The following ERBIN variants were observed in gnomAD, a reference collection of about 807,000 sequenced individuals.
ERBIN encodes the protein erbb2 interacting protein.
A neutral mutation model predicts 158.4 loss-of-function variants in ERBIN; 60 were observed. The observed-to-expected ratio is 0.38, with a 90% CI of 0.31 to 0.47. The LOEUF is 0.47. Ranked by LOEUF, ERBIN falls within the 20% of genes least tolerant of loss-of-function variation. The pLI is 0.99. For missense variants in ERBIN, 1,610 were observed against 1,648.0 expected (o/e 0.98, Z 0.40); for synonymous variants, 594 against 557.2 (o/e 1.07, Z -0.93).
At chr5:65,957,320 C>G (rs1183229928) in intron 1 of ERBIN, among the ~76,000 whole-genome samples, 1 of 151,970 alleles carries the variant, frequency 6.6e-6, no homozygotes, top group Non-Finnish European at 1.5e-5. Context: ...AGCAGACAAA[C>G]AAGTGAACAA....
chr5:66,042,973 G>A (rs1435662722), intron 15 of ERBIN, 104 bp from the exon 16 acceptor site: 10 of 846,864 alleles, frequency 1.2e-5, no homozygotes, highest in Admixed American at 2.4e-5. Context: ...AACTATTTTA[G>A]ACTTATTGTA....
intron 1 of ERBIN, among the ~76,000 whole-genome samples, chr5:65,958,359 C>G (rs1469902556): frequency 1.3e-5 from 2 of 152,268 alleles, no homozygotes; most frequent in Non-Finnish European, 2.9e-5. Context: ...AGGACTCCAT[C>G]TGCAATCCCG....
intron 1 of ERBIN, among the ~76,000 whole-genome samples, chr5:65,935,182 TC>T (rs1743929530): frequency 6.6e-6 from 1 of 152,228 alleles, no homozygotes; most frequent in African/African-American, 2.4e-5. Flanking sequence ...GATTTATACT[TC>T]TTTGACTTTA....
chr5:65,954,446 C>G (rs151256223), intron 1 of ERBIN, among the ~76,000 whole-genome samples: 2 of 152,174 alleles, frequency 1.3e-5, no homozygotes, highest in East Asian at 1.9e-4. Context: ...GCCCTTTGTT[C>G]CATGTAAGAC....
chr5:65,964,597 G>A (rs1316381488), intron 1 of ERBIN, among the ~76,000 whole-genome samples: 59 of 152,170 alleles, frequency 3.9e-4, no homozygotes, highest in Non-Finnish European at 1.5e-4. Flanking sequence ...CATGGGCTGT[G>A]TATAATGACA....
At chr5:66,064,703 GCC>G (rs1458174411) in intron 21 of ERBIN, among the ~76,000 whole-genome samples, 5 of 152,154 alleles carry the variant, frequency 3.3e-5, no homozygotes, top group Non-Finnish European at 1.5e-5. Context: ...TAATAAAACA[GCC>G]AAATGAGAGA....
chr5:66,074,917 T>A (rs1228024470), intron 22 of ERBIN, 107 bp from the exon 23 acceptor site: 2 of 921,646 alleles, frequency 2.2e-6, no homozygotes, highest in Non-Finnish European at 3.3e-6. Context: ...TTGACTTAAT[T>A]AGAATGTGAA....
chr5:66,059,459 G>A (rs1760004069), intron 21 of ERBIN, among the ~76,000 whole-genome samples: 1 of 152,158 alleles, frequency 6.6e-6, no homozygotes, highest in African/African-American at 2.4e-5. Flanking sequence ...GGGTTTTCTA[G>A]ATATACAATC....
intron 15 of ERBIN, among the ~76,000 whole-genome samples, chr5:66,040,043 A>G (rs1337399202): frequency 6.6e-6 from 1 of 151,950 alleles, no homozygotes; most frequent in African/African-American, 2.4e-5. Context: ...CTGGAATACA[A>G]GAGTATTTCA....
intron 1 of ERBIN, among the ~76,000 whole-genome samples, chr5:65,941,469 A>T (rs1246336326): frequency 6.6e-6 from 1 of 152,116 alleles, no homozygotes; most frequent in Non-Finnish European, 1.5e-5. Flanking sequence ...ACACCATTTT[A>T]TATGAGGGAT....
chr5:65,983,202 A>G (rs1750837264), intron 1 of ERBIN, among the ~76,000 whole-genome samples: 2 of 152,214 alleles, frequency 1.3e-5, no homozygotes, highest in South Asian at 4.1e-4. Flanking sequence ...AATAATACCC[A>G]GCTTTCTTCT....
At chr5:65,927,736 CATAAATAGTG>C (rs970565621) in intron 1 of ERBIN, among the ~76,000 whole-genome samples, 3 of 152,156 alleles carry the variant, frequency 2.0e-5, no homozygotes, top group African/African-American at 7.2e-5. Context: ...GTCGGTTCTG[CATAAATAGTG>C]ATAGGTTCTG....
chr5:66,082,113 A>G lies in ERBIN; in HGVS notation c.*3583A>G, dbSNP rs1036974835. 6.6e-6 allele frequency: 1 copy of G among 152,194 alleles called. No homozygotes were observed. The highest frequency in any genetic ancestry group is 2.4e-5 in the African/African-American group (1 of 41,442). The allele number at this position is 152,194 out of a possible 1,614,324, so 9.4% of individuals were successfully genotyped here. ...GCTATCTTCTACAGTCTCATGAAGC[A>G]GTTTTTCAAGATTAGAATCTGTGGT... is the stretch of plus-strand genomic sequence containing the variant. On this transcript the variant is annotated 3_prime_UTR_variant, in exon 26 of 26. Transcript: ENST00000284037.
chr5:66,030,417 A>G (rs1232561051), intron 14 of ERBIN, among the ~76,000 whole-genome samples: 2 of 152,074 alleles, frequency 1.3e-5, no homozygotes, highest in South Asian at 2.1e-4. Context: ...TGAATAGTAT[A>G]TGTTTAAACG....
At chr5:65,931,254 C>T (rs527330718) in intron 1 of ERBIN, among the ~76,000 whole-genome samples, 66 of 152,312 alleles carry the variant, frequency 4.3e-4, no homozygotes, top group Middle Eastern at 3.4e-3. Flanking sequence ...ACATAATGAG[C>T]TGTTTTTGGT....
chr5:66,012,759 A>G lies in ERBIN; in HGVS notation c.386+632A>G, dbSNP rs191287876. On this transcript the variant is annotated intron_variant, in intron 5 of 25. Coordinates refer to ENST00000284037, the MANE Select transcript of ERBIN (RefSeq NM_001253697.2). ...TTATGTATAGCCTCTTCATTTGAAA[A>G]TATTGCTCTAGTATCAAATTCTAGA... is the stretch of plus-strand genomic sequence containing the variant. 2.1e-3 allele frequency among the ~76,000 whole-genome samples: 326 copies of G among 152,350 alleles called. 2 individuals are homozygous for G. The highest frequency in any genetic ancestry group is 7.7e-3 in the African/African-American group (320 of 41,592).
chr5:65,960,156 A>T (rs1422242352), intron 1 of ERBIN, among the ~76,000 whole-genome samples: 1 of 152,272 alleles, frequency 6.6e-6, no homozygotes, highest in Non-Finnish European at 1.5e-5. Context: ...CTCCGCAGTC[A>T]AAAAGAATGA....
chr5:65,933,190 A>C (rs1743654265), intron 1 of ERBIN, among the ~76,000 whole-genome samples: 2 of 152,342 alleles, frequency 1.3e-5, no homozygotes, highest in Admixed American at 1.3e-4. Context: ...CTAACACTAC[A>C]GAAAATTTGA....
chr5:66,054,302 A>G lies in ERBIN; in HGVS notation c.2984A>G (p.Lys995Arg), dbSNP rs1314239930. The G allele has an allele frequency of 1.2e-6, 2 of 1,614,198 alleles. No homozygotes were observed. Among genetic ancestry groups the G allele is most frequent in the South Asian group, 1.1e-5 (1 of 91,088 alleles). Residue 995 changes from lysine (K) to arginine (R), a missense_variant, in exon 21 of 26, where the codon AAA becomes AGA. By Grantham distance (26) the Lys-to-Arg change is conservative. Around this residue, in one of 2 missense-constraint regions of ERBIN, gnomAD observed 1,014 missense variants for 936.1 expected, o/e 1.08. Transcript: ENST00000284037. ...AAVKDTLWHSKQNPQIDHASF... is the reference protein window; with the variant it reads ...AAVKDTLWHSRQNPQIDHASF... ...GTCAAAGACACTTTGTGGCACTCCA[A>G]ACAAAATCCCCAAATAGACCATGCC... is the stretch of plus-strand genomic sequence containing the variant.
Sources: gnomAD v4.1 joint callset for allele counts (sites outside exome capture counted in the v4.1 genomes callset) on GRCh38, gnomAD v4.1.1 for gene constraint, gnomAD v4.1.1 regional missense constraint, MANE v1.5 for transcripts, NCBI Gene and HGNC (gene_info 2026-07-23, HGNC 2026-07-21) for gene names.